CDK14: variants seen among roughly 807,000 people sequenced by gnomAD.
CDK14 encodes cyclin dependent kinase 14, also known as cyclin-dependent kinase 14.
In CDK14, 34 loss-of-function variants were observed where a neutral mutation model predicts 60.7. The ratio of observed to expected loss-of-function variants is 0.56; its 90% CI spans 0.43 to 0.75. The LOEUF is 0.75. CDK14 is among the 30% of genes least tolerant of loss of function. CDK14 has a pLI of 0.00. For missense variants in CDK14, 482 were observed against 564.1 expected (o/e 0.85, Z 1.47); for synonymous variants, 197 against 203.7 (o/e 0.97, Z 0.28).
At chr7:91,004,869 CT>C (rs1346351241) in intron 10 of CDK14, among the ~76,000 whole-genome samples, 11 of 152,150 alleles carry the variant, frequency 7.2e-5, no homozygotes, top group Non-Finnish European at 1.2e-4. Flanking sequence ...TACTTGTGAA[CT>C]ATTTACAAGG....
At chr7:90,883,039 A>G (rs1264566634) in intron 6 of CDK14, among the ~76,000 whole-genome samples, 1 of 152,106 alleles carries the variant, frequency 6.6e-6, no homozygotes, top group Non-Finnish European at 1.5e-5. Context: ...AGAGCTAGAG[A>G]GGCAATAGCA....
intron 2 of CDK14, among the ~76,000 whole-genome samples, chr7:90,671,702 T>C (rs1801101730): frequency 6.6e-6 from 1 of 152,204 alleles, no homozygotes; most frequent in South Asian, 2.1e-4. Context: ...ATATCACCAC[T>C]AGGCATTTCT....
chr7:90,684,115 T>C (rs1801382038), intron 2 of CDK14, among the ~76,000 whole-genome samples: 1 of 152,244 alleles, frequency 6.6e-6, no homozygotes, highest in Non-Finnish European at 1.5e-5. Flanking sequence ...ACTTGTTTGC[T>C]AAAATCTATA....
chr7:91,075,859 T>G (rs1332438660), intron 11 of CDK14, among the ~76,000 whole-genome samples: 3 of 152,168 alleles, frequency 2.0e-5, no homozygotes, highest in East Asian at 3.9e-4. Context: ...GAATGAACTC[T>G]TATTCACAAT....
chr7:90,932,450 T>G (rs1793621851), intron 8 of CDK14, among the ~76,000 whole-genome samples: 1 of 152,196 alleles, frequency 6.6e-6, no homozygotes, highest in Admixed American at 6.5e-5. Context: ...GAGCTGCATA[T>G]GTGCATCTCT....
intron 14 of CDK14, among the ~76,000 whole-genome samples, chr7:91,136,702 T>C (rs2115580110): frequency 6.6e-6 from 1 of 152,338 alleles, no homozygotes; most frequent in East Asian, 1.9e-4. Flanking sequence ...TGAGGTTTTC[T>C]GAATTAAGGA....
At chr7:90,786,401 A>G (rs1001666824) in intron 4 of CDK14, among the ~76,000 whole-genome samples, 3 of 152,318 alleles carry the variant, frequency 2.0e-5, no homozygotes, top group Non-Finnish European at 4.4e-5. Flanking sequence ...GCTCTAATTT[A>G]TTGATTCAAT....
At chr7:90,905,965 T>C (rs1361866531) in intron 7 of CDK14, among the ~76,000 whole-genome samples, 1 of 152,278 alleles carries the variant, frequency 6.6e-6, no homozygotes, top group South Asian at 2.1e-4. Context: ...TAATTATGCA[T>C]TGGGTTTTCC....
Position 90,955,724 on chromosome 7 carries a change from G to C in CDK14, c.854G>C (p.Ser285Thr). 1 of 1,613,378 alleles carries C rather than the reference G, an allele frequency of 6.2e-7. No homozygotes were observed. Among genetic ancestry groups the C allele is most frequent in the African/African-American group, 1.3e-5 (1 of 75,000 alleles). ...CTTGCAAGAGCAAAATCCGTCCCTAGCCACACATACTCCAACGAAGTGGTT... is the reference window on the plus strand; with the variant it reads ...CTTGCAAGAGCAAAATCCGTCCCTACCCACACATACTCCAACGAAGTGGTT... ...FGLARAKSVP[S>T]HTYSNEVVTL... The change falls in exon 9 of 15, where the codon AGC becomes ACC. Residue 285 changes from serine to threonine, a missense_variant. By Grantham distance (58) the Ser-to-Thr change is moderately conservative. Transcript: ENST00000380050.
At chr7:90,866,543 A>G (rs1300137981) in intron 6 of CDK14, among the ~76,000 whole-genome samples, 1 of 152,136 alleles carries the variant, frequency 6.6e-6, no homozygotes, top group Non-Finnish European at 1.5e-5. Flanking sequence ...ATTAGATACT[A>G]TTGTATTTTT....
At chr7:90,807,122 G>A (rs1788877845) in intron 5 of CDK14, among the ~76,000 whole-genome samples, 1 of 152,194 alleles carries the variant, frequency 6.6e-6, no homozygotes, top group South Asian at 2.1e-4. Context: ...GAGAGTAGTG[G>A]TTCTCCCAGC....
chr7:90,861,405 A>G (rs1440812529), intron 5 of CDK14, among the ~76,000 whole-genome samples: 1 of 152,218 alleles, frequency 6.6e-6, no homozygotes, highest in East Asian at 1.9e-4. Flanking sequence ...AAAGAGTGAC[A>G]CAGGGGAAGC....
intron 2 of CDK14, among the ~76,000 whole-genome samples, chr7:90,639,498 CAG>C (rs1361679771): frequency 1.3e-5 from 2 of 152,082 alleles, no homozygotes; most frequent in South Asian, 2.1e-4. Context: ...AGTTTTGTCT[CAG>C]AGGAGTACCT....
At chr7:90,898,938 T>C (rs1792417707) in intron 6 of CDK14, among the ~76,000 whole-genome samples, 1 of 151,972 alleles carries the variant, frequency 6.6e-6, no homozygotes, top group Non-Finnish European at 1.5e-5. Context: ...TTGGAAAATA[T>C]GGGATAATTG....
chr7:90,857,350 CATCCCTCT>C (rs1478206140), intron 5 of CDK14, among the ~76,000 whole-genome samples: 2 of 152,292 alleles, frequency 1.3e-5, no homozygotes, highest in Middle Eastern at 3.4e-3. Context: ...AGGCTCCTTG[CATCCCTCT>C]ATCCTACTGG....
Position 90,669,422 on chromosome 7 carries a change from A to T in CDK14, c.124-57145A>T, listed in dbSNP as rs149645564. On this transcript the variant is annotated intron_variant, in intron 2 of 14. Coordinates refer to ENST00000380050, the MANE Select transcript of CDK14 (RefSeq NM_001287135.2). ...AATTGCAGTGATTTGGCCAATGAGG[A>T]TTGTGTCTCTGGAGCTACAGTGGTT... 7.3e-4 allele frequency among the ~76,000 whole-genome samples: 111 copies of T among 152,262 alleles called. 2 individuals carry two copies. In the East Asian group the frequency reaches 0.016, roughly 22 times the overall value.
intron 10 of CDK14, among the ~76,000 whole-genome samples, chr7:91,043,876 A>G (rs1047461092): frequency 1.1e-4 from 17 of 152,208 alleles, no homozygotes; most frequent in African/African-American, 4.1e-4. Flanking sequence ...GGAGTTTGGC[A>G]CTTACTGTAT....
At chr7:90,979,520 C>T (rs1010541657) in intron 9 of CDK14, 1 of 152,154 alleles carries the variant, frequency 6.6e-6, no homozygotes, top group African/African-American at 2.4e-5. Context: ...AAATGGAATA[C>T]GTTATAATTA....
At chr7:91,020,207 A>G (rs774709098) in intron 10 of CDK14, among the ~76,000 whole-genome samples, 7 of 152,198 alleles carry the variant, frequency 4.6e-5, no homozygotes, top group East Asian at 3.9e-4. Flanking sequence ...GAGGGATTGC[A>G]AAGTCCTATG....
Sources: allele counts gnomAD v4.1 joint callset (sites outside exome capture counted in the v4.1 genomes callset), GRCh38; gene constraint gnomAD v4.1.1; transcripts MANE v1.5; gene names NCBI Gene and HGNC (gene_info 2026-07-23, HGNC 2026-07-21).